Variants in SPOCK1 observed in about 807,000 individuals in gnomAD.
SPOCK1 encodes SPARC (osteonectin), cwcv and kazal like domains proteoglycan 1, also known as testican-1.
In SPOCK1, 23 loss-of-function variants were observed where a neutral mutation model predicts 55.3. That is an observed-to-expected ratio of 0.42 (90% confidence interval 0.30 to 0.59). SPOCK1 has a LOEUF of 0.59. SPOCK1 is among the 20% of genes least tolerant of loss of function. The pLI, the probability that SPOCK1 is intolerant of heterozygous loss-of-function variation, is 0.22. For synonymous variants in SPOCK1, 226 were observed against 221.0 expected (o/e 1.02, Z -0.20); for missense variants, 499 against 552.5 (o/e 0.90, Z 0.97).
chr5:137,217,903 C>T (rs138397577), intron 3 of SPOCK1, among the ~76,000 whole-genome samples: 1 of 152,266 alleles, frequency 6.6e-6, no homozygotes, highest in Non-Finnish European at 1.5e-5. Flanking sequence ...AACCCTACTC[C>T]TATCCATTAT....
intron 2 of SPOCK1, among the ~76,000 whole-genome samples, chr5:137,437,043 C>A (rs1471433527): frequency 1.3e-5 from 2 of 152,180 alleles, no homozygotes; most frequent in African/African-American, 2.4e-5. Flanking sequence ...GTGGGCTACA[C>A]TGTGTAGCAG....
chr5:137,074,968 G>A (rs1254562422), intron 5 of SPOCK1, among the ~76,000 whole-genome samples: 1 of 152,122 alleles, frequency 6.6e-6, no homozygotes, highest in Non-Finnish European at 1.5e-5. Flanking sequence ...CTCCCAAAGT[G>A]CTGGGATTAC....
rs35794838 is a variant in SPOCK1 at position 136,987,055 on chromosome 5, T to TTA, written c.928+1365_928+1366dup. 4.0e-3 allele frequency among the ~76,000 whole-genome samples: 607 copies of TTA among 150,678 alleles called. 5 individuals carry two copies. The highest frequency in any genetic ancestry group is 0.021 in the South Asian group (102 of 4,772). ...TTTAAAAGTCTAAAACTGATTTATT[T>TTA]TATATATATATATATAGCAACTGGA... On this transcript the variant is annotated intron_variant, in intron 8 of 10. Coordinates refer to ENST00000394945, the MANE Select transcript of SPOCK1 (RefSeq NM_004598.4).
chr5:137,452,926 T>A (rs1007985148), intron 2 of SPOCK1, among the ~76,000 whole-genome samples: 1 of 152,162 alleles, frequency 6.6e-6, no homozygotes, highest in African/African-American at 2.4e-5. Context: ...AAAAAAGCAC[T>A]CTCTTGTTTC....
intron 2 of SPOCK1, among the ~76,000 whole-genome samples, chr5:137,413,475 T>G (rs970699995): frequency 2.0e-5 from 3 of 152,140 alleles, no homozygotes; most frequent in African/African-American, 7.3e-5. Flanking sequence ...GCTGAGTGGA[T>G]AGATGAATGG....
At chr5:137,143,652 GTTTA>G (rs765105987) in intron 3 of SPOCK1, among the ~76,000 whole-genome samples, 24 of 152,148 alleles carry the variant, frequency 1.6e-4, no homozygotes, top group African/African-American at 2.4e-4. Context: ...CCTCATATGT[GTTTA>G]TTAAGTTTTT....
chr5:137,323,833 C>T lies in SPOCK1; in HGVS notation c.187-56778G>A, dbSNP rs192641961. ...CACCAAAAACACAAAAGATAAGTGT[C>T]GGCAAGGGTGTGGGGCAAAGGAATC... On this transcript the variant is annotated intron_variant, in intron 2 of 10. Coordinates refer to ENST00000394945, the MANE Select transcript of SPOCK1 (RefSeq NM_004598.4). Among the ~76,000 whole-genome samples, 11 of 152,206 alleles carry T rather than the reference C, an allele frequency of 7.2e-5. No homozygotes were observed. In the East Asian group the frequency reaches 2.1e-3, roughly 29 times the overall value.
chr5:137,255,903 C>T (rs1429813556), intron 3 of SPOCK1, among the ~76,000 whole-genome samples: 1 of 152,174 alleles, frequency 6.6e-6, no homozygotes. Flanking sequence ...TTCTCTAGCC[C>T]TTTCTACCAT....
chr5:137,036,597 T>C (rs1751889989), intron 6 of SPOCK1, among the ~76,000 whole-genome samples: 1 of 152,224 alleles, frequency 6.6e-6, no homozygotes, highest in Non-Finnish European at 1.5e-5. Flanking sequence ...AATGAATGAA[T>C]GAGTGATTGC....
At chr5:137,490,806 G>A (rs1331462745) in intron 2 of SPOCK1, among the ~76,000 whole-genome samples, 1 of 152,144 alleles carries the variant, frequency 6.6e-6, no homozygotes, top group Non-Finnish European at 1.5e-5. Context: ...GGTCTTCTGT[G>A]CCAGGAGCTA....
chr5:137,043,392 A>G (rs1286692449), intron 6 of SPOCK1, among the ~76,000 whole-genome samples: 4 of 152,198 alleles, frequency 2.6e-5, no homozygotes, highest in Non-Finnish European at 5.9e-5. Flanking sequence ...TCTACCCTGA[A>G]GCATCTACAT....
chr5:137,309,806 T>TC (rs1554075147), intron 2 of SPOCK1, among the ~76,000 whole-genome samples: 2 of 151,994 alleles, frequency 1.3e-5, no homozygotes, highest in Non-Finnish European at 2.9e-5. Flanking sequence ...ATGTGAAGCA[T>TC]CTAGTATCAT....
At chr5:137,050,843 A>G (rs1424558858) in intron 6 of SPOCK1, among the ~76,000 whole-genome samples, 2 of 152,224 alleles carry the variant, frequency 1.3e-5, no homozygotes, top group African/African-American at 2.4e-5. Context: ...ACAAAAAGCA[A>G]TCTCAAACAT....
At chr5:137,242,133 C>T (rs182288505) in intron 3 of SPOCK1, among the ~76,000 whole-genome samples, 58 of 152,248 alleles carry the variant, frequency 3.8e-4, no homozygotes, top group African/African-American at 1.3e-3. Context: ...TTCAGGAGTC[C>T]GAGGCAGGCA....
rs890753146 is a variant in SPOCK1 at position 137,498,387 on chromosome 5, T to C, written c.172A>G (p.Asn58Asp). 6.2e-7 allele frequency: 1 copy of C among 1,603,552 alleles called. No homozygotes were observed. Among genetic ancestry groups the C allele is most frequent in the Admixed American group, 1.7e-5 (1 of 59,294 alleles). The change falls in exon 2 of 11, where the codon AAC (asparagine) becomes GAC (aspartate). Residue 58 changes from asparagine (N) to aspartate (D), a missense_variant. By Grantham distance (23) the Asn-to-Asp change is conservative. Transcript: ENST00000394945. ...CCGGTACTCACGTCTCGAAAGCGGT[T>C]CCAGTACTTGTCCCGGTCGTACTGG... ...VSQYDRDKYW[N>D]RFRDDDYFRN...
chr5:137,117,402 T>C (rs772570056), intron 4 of SPOCK1, among the ~76,000 whole-genome samples: 4 of 152,244 alleles, frequency 2.6e-5, no homozygotes, highest in Non-Finnish European at 5.9e-5. Flanking sequence ...CATTATAACC[T>C]GTTCAGTCCC....
At chr5:137,262,488 C>T (rs140466539) in intron 3 of SPOCK1, among the ~76,000 whole-genome samples, 2 of 152,336 alleles carry the variant, frequency 1.3e-5, no homozygotes, top group East Asian at 3.9e-4. Context: ...ACTCACTTCC[C>T]TACCCCCCAG....
intron 2 of SPOCK1, among the ~76,000 whole-genome samples, chr5:137,344,738 ATAAAG>A (rs1750517710): frequency 6.6e-6 from 1 of 152,258 alleles, no homozygotes; most frequent in Non-Finnish European, 1.5e-5. Context: ...AAGGTTTCAC[ATAAAG>A]TATTTAGTAT....
In SPOCK1 at chr5:136,988,521, A is replaced by G. The variant is rs1246662828; in HGVS notation, c.829T>C (p.Tyr277His). 1.9e-6 allele frequency: 3 copies of G among 1,614,060 alleles called. No individual in the cohort carries two copies. The highest frequency in any genetic ancestry group is 1.3e-5 in the African/African-American group (1 of 74,920). The change falls in exon 8 of 11, where the codon TAC (tyrosine) becomes CAC (histidine). Residue 277 changes from tyrosine to histidine, a missense_variant. By Grantham distance (83) the Tyr-to-His change is moderately conservative (BLOSUM62 2). This residue lies in a region of SPOCK1 where 386 missense variants were observed against 400.6 expected (regional missense o/e 0.96). Transcript: ENST00000394945. ...SEINAIYLDK[Y>H]EPCIKPLFNS... ...AAAAGAGGCTTGATACAGGGCTCGT[A>G]CTTATCCAGGTAGATGGCATTGATC...
Sources: allele counts gnomAD v4.1 joint callset (sites outside exome capture counted in the v4.1 genomes callset), GRCh38; gene constraint gnomAD v4.1.1; regional missense constraint gnomAD v4.1.1; transcripts MANE v1.5; gene names NCBI Gene and HGNC (gene_info 2026-07-23, HGNC 2026-07-21).